The following AKAP3 variants were observed in gnomAD, a reference collection of about 807,000 sequenced individuals.
AKAP3 encodes the protein A-kinase anchoring protein 3, also known as A-kinase anchor protein 3.
A neutral mutation model predicts 57.2 loss-of-function variants in AKAP3; 27 were observed. That is an observed-to-expected ratio of 0.47 (90% CI 0.35 to 0.65). The LOEUF is 0.65. Ranked by LOEUF, AKAP3 falls within the 30% of genes least tolerant of loss-of-function variation. The probability of loss-of-function intolerance (pLI) is 0.01; values close to 1 mark genes in which losing one functional copy is unlikely to be tolerated. For synonymous variants in AKAP3, 334 were observed against 392.3 expected (o/e 0.85, Z 1.76); for missense variants, 959 against 1,040.0 (o/e 0.92, Z 1.07).
chr12:4,635,096 T>C (rs1945547347), intron 4 of AKAP3, among the ~76,000 whole-genome samples: 1 of 152,178 alleles, frequency 6.6e-6, no homozygotes, highest in Admixed American at 6.5e-5. Context: ...TTATTCCCCC[T>C]AACCTTCCAA....
intron 5 of AKAP3, among the ~76,000 whole-genome samples, chr12:4,618,001 T>G (rs2137423285): frequency 6.6e-6 from 1 of 152,024 alleles, no homozygotes; most frequent in East Asian, 1.9e-4. Flanking sequence ...CACAAAGATA[T>G]AGTCAAAAAT....
intron 3 of AKAP3, among the ~76,000 whole-genome samples, chr12:4,640,909 C>T (rs1945628774): frequency 6.6e-6 from 1 of 152,100 alleles, no homozygotes. Context: ...TTCTTAAATG[C>T]TCCCTGAGTG....
intron 5 of AKAP3, among the ~76,000 whole-genome samples, chr12:4,624,313 TTACGTGTGTGTGTGTGTGTGTG>T (rs1248538579): frequency 8.9e-6 from 1 of 112,078 alleles, no homozygotes; most frequent in African/African-American, 3.4e-5. Flanking sequence ...ATTTGTGACT[TTACGTGTGTGTGTGTGTGTGTG>T]TGTGTGTGTG....
chr12:4,624,753 A>C (rs1458954811), intron 5 of AKAP3, among the ~76,000 whole-genome samples: 2 of 125,190 alleles, frequency 1.6e-5, no homozygotes, highest in African/African-American at 5.4e-5. Flanking sequence ...CATTCCTTCT[A>C]CTCTTAGAGG....
intron 5 of AKAP3, among the ~76,000 whole-genome samples, chr12:4,623,488 T>C (rs1990317): frequency 0.84 from 127,409 of 152,088 alleles, 53,516 homozygotes; most frequent in East Asian, 0.93. Context: ...GCCATTGCCA[T>C]TGGCAAATTA....
At position 4,627,915 on chromosome 12, in the gene AKAP3, C is replaced by G. The variant is rs1457423300; in HGVS notation, c.987G>C (p.Val329=). ...KKVLLKHAKE[V]VSDLIDSFLR... is the part of the protein sequence containing the mutation. Reference sequence around the variant, plus strand: ...AGAAGGAGTCGATGAGATCCGAGACCACCTCTTTTGCATGCTTGAGCAGAA... The same window carrying G: ...AGAAGGAGTCGATGAGATCCGAGACGACCTCTTTTGCATGCTTGAGCAGAA... Residue 329 remains valine, a synonymous_variant, in exon 5 of 6, where the codon GTG becomes GTC. Transcript: ENST00000228850. 1.9e-6 allele frequency: 3 copies of G among 1,613,938 alleles called. No homozygotes were observed. The highest frequency in any genetic ancestry group is 2.5e-6 in the Non-Finnish European group (3 of 1,179,980).
At position 4,628,356 on chromosome 12, in the gene AKAP3, G is replaced by A. The variant is rs71579260; in HGVS notation, c.546C>T (p.Thr182=). 309 of 1,614,120 alleles carry A rather than the reference G, an allele frequency of 1.9e-4. 1 individual carries two copies. Among genetic ancestry groups the A allele is most frequent in the Non-Finnish European group, 2.4e-4 (289 of 1,180,022 alleles). Residue 182 remains threonine (T), a synonymous_variant, in exon 5 of 6, where the codon ACC becomes ACT. Transcript: ENST00000228850. The stretch of plus-strand genomic sequence containing the variant: ...CAGCATTCCTGGAACATGCAGAGAC[G>A]GTCTCATTCACAAGCTCTGATGCTA... The part of the protein sequence containing the change: ...SKIASELVNE[T]VSACSRNAAP...
intron 4 of AKAP3, chr12:4,636,290 C>T (rs1031869311): frequency 2.6e-6 from 1 of 383,342 alleles, no homozygotes; most frequent in African/African-American, 2.1e-5. Flanking sequence ...GGGCTGAAGC[C>T]CCAGGCATGG....
chr12:4,617,751 CAAAAAA>C lies in AKAP3; in HGVS notation c.2407-1863_2407-1858del, dbSNP rs3083727. Among the ~76,000 whole-genome samples, 3 of 118,448 alleles carry C rather than the reference CAAAAAA, an allele frequency of 2.5e-5. No homozygotes were observed. The South Asian group carries it at 7.7e-4, about 30-fold the overall frequency. The allele number at this position is 118,448 out of a possible 152,430, so 77.7% of individuals were successfully genotyped here. A position where few individuals can be genotyped will look rare whatever the true frequency, so the allele number is the denominator to read the frequency against. On this transcript the variant is annotated intron_variant, in intron 5 of 5. Coordinates refer to ENST00000228850, the MANE Select transcript of AKAP3 (RefSeq NM_001278309.2). ...TGAGCAACAGAGTGAGATTCTGTCT[CAAAAAA>C]AAAAAAAAAAAGTGTTTTAAGGTTG...
In AKAP3 at chr12:4,627,279, C is replaced by G; in HGVS notation, c.1623G>C (p.Gln541His). 6.2e-7 allele frequency: 1 copy of G among 1,614,016 alleles called. No homozygotes were observed. The highest frequency in any genetic ancestry group is 2.2e-5 in the East Asian group (1 of 44,862). ...AGCTCCGTGCATCCCTTCTTCCTCC[C>G]TGGGCCAGGTGATATTGAATCAGAA... The part of the protein sequence containing the change: ...ALLLIQYHLA[Q>H]GGRRDARSFV... Residue 541 changes from glutamine to histidine, a missense_variant, in exon 5 of 6, where the codon CAG (glutamine) becomes CAC (histidine). Transcript: ENST00000228850.
In AKAP3 at chr12:4,615,768, G is replaced by C. The variant is rs151200001; in HGVS notation, c.2533C>G (p.Leu845Val). 675 of 1,614,150 alleles carry C rather than the reference G, an allele frequency of 4.2e-4. 5 individuals carry two copies. The highest frequency in any genetic ancestry group is 1.9e-3 in the South Asian group (172 of 91,076). ...EAVGNVTPLQ[L>V]LDWLMVNL ...AGGTTCACCATCAGCCAGTCCAGCAGCTGCAGCGGTGTGACATTCCCCACC... is the reference window on the plus strand; with the variant it reads ...AGGTTCACCATCAGCCAGTCCAGCACCTGCAGCGGTGTGACATTCCCCACC... The change falls in exon 6 of 6, where the codon CTG (leucine) becomes GTG (valine). Residue 845 changes from leucine (L) to valine (V), a missense_variant. Coordinates refer to ENST00000228850, the MANE Select transcript of AKAP3 (RefSeq NM_001278309.2).
rs374413843 is a variant in AKAP3, at chr12:4,626,988, G to C, written c.1914C>G (p.Pro638=). Residue 638 remains proline (P), a synonymous_variant, in exon 5 of 6, where the codon CCC becomes CCG. Transcript: ENST00000228850. ...LCERPLASSP[P]RLYEDDETPG... ...GGGTCTCATCATCCTCATATAGCCT[G>C]GGGGGAGAAGACGCCAACGGTCTTT... is the stretch of plus-strand genomic sequence containing the variant. 1.9e-6 allele frequency: 3 copies of C among 1,614,028 alleles called. No homozygotes were observed. Among genetic ancestry groups the C allele is most frequent in the Middle Eastern group, 1.7e-4 (1 of 6,060 alleles).
At chr12:4,636,080 C>G in intron 4 of AKAP3, 1 of 1,300,224 alleles carries the variant, frequency 7.7e-7, no homozygotes, top group East Asian at 2.5e-5. Context: ...GCAGACTCTC[C>G]CAGAAATACT....
At chr12:4,640,429 G>C (rs4766266) in intron 3 of AKAP3, among the ~76,000 whole-genome samples, 67,611 of 152,094 alleles carry the variant, frequency 0.44, 16,609 homozygotes, top group Admixed American at 0.56. Flanking sequence ...CAGTATTAAG[G>C]CATGAACATC....
chr12:4,630,387 C>T (rs1031656138), intron 4 of AKAP3, among the ~76,000 whole-genome samples: 6 of 152,258 alleles, frequency 3.9e-5, no homozygotes, highest in Non-Finnish European at 8.8e-5. Flanking sequence ...GGTGGAGTTT[C>T]GTATTCAGAT....
rs1591532387 is a variant in AKAP3 at position 4,635,751 on chromosome 12, C to T, written c.96+2350G>A. The stretch of plus-strand genomic sequence containing the variant: ...ATTGGTGCTAGGCTACGGTATCATT[C>T]TTGACCAGCTGTATCCTGTATTTCA... On this transcript the variant is annotated intron_variant, in intron 4 of 5. Transcript: ENST00000228850. 2.5e-5 allele frequency: 18 copies of T among 719,266 alleles called. No individual in the cohort carries two copies. In the East Asian group the frequency reaches 4.5e-4, roughly 18 times the overall value. The allele number at this position is 719,266 out of a possible 1,614,324, so 44.6% of individuals were successfully genotyped here.
In AKAP3 at chr12:4,641,348, T is replaced by C. The variant is rs74602104; in HGVS notation, c.-1+551A>G. On this transcript the variant is annotated intron_variant, in intron 3 of 5. Transcript: ENST00000228850. ...TACCTGCCTCAGCCTCCCAAGTAGT[T>C]GGGACTACACCAGGCGCTCCACATC... is the stretch of plus-strand genomic sequence containing the variant. Among the ~76,000 whole-genome samples the C allele has an allele frequency of 6.3e-3, 957 of 152,204 alleles. 19 individuals are homozygous for C. Among genetic ancestry groups the C allele is most frequent in the African/African-American group, 0.021 (889 of 41,540 alleles).
Position 4,628,275 on chromosome 12 carries a change from G to C in AKAP3, c.627C>G (p.Pro209=). ...AAGTGGACTTGTATTTCAAATTTGG[G>C]GGACTTTGTGATGATCCCGAGACTC... ...GDRVSGSSQS[P]PNLKYKSTLK... is the part of the protein sequence containing the mutation. Residue 209 remains proline (P), a synonymous_variant, in exon 5 of 6, where the codon CCC becomes CCG. Transcript: ENST00000228850. 6.2e-7 allele frequency: 1 copy of C among 1,614,020 alleles called. No individual in the cohort carries two copies. Among genetic ancestry groups the C allele is most frequent in the Non-Finnish European group, 8.5e-7 (1 of 1,179,956 alleles).
chr12:4,642,334 G>A (rs1189763970), intron 2 of AKAP3, among the ~76,000 whole-genome samples: 1 of 152,120 alleles, frequency 6.6e-6, no homozygotes, highest in Non-Finnish European at 1.5e-5. Flanking sequence ...TAGGAAGTTG[G>A]AAGAAAAATA....
Sources: allele counts gnomAD v4.1 joint callset (sites outside exome capture counted in the v4.1 genomes callset), GRCh38; gene constraint gnomAD v4.1.1; transcripts MANE v1.5; gene names NCBI Gene and HGNC (gene_info 2026-07-23, HGNC 2026-07-21).